The following CR1L variants were observed in gnomAD, a reference collection of about 807,000 sequenced individuals.
The protein encoded by CR1L is complement C3b/C4b receptor 1 like.
In CR1L, 59 loss-of-function variants were observed where a neutral mutation model predicts 62.3. The ratio of observed to expected loss-of-function variants is 0.95; its 90% CI spans 0.77 to 1.18. The LOEUF is 1.18. CR1L is among the 50% of genes most tolerant of loss of function. The pLI is 0.00. For synonymous variants in CR1L, 279 were observed against 248.7 expected (o/e 1.12, Z -1.15); for missense variants, 700 against 702.8 (o/e 1.00, Z 0.04).
intron 9 of CR1L, among the ~76,000 whole-genome samples, chr1:207,705,364 A>G (rs1664250952): frequency 6.6e-6 from 1 of 152,316 alleles, no homozygotes; most frequent in East Asian, 1.9e-4. Context: ...TCAACCTATA[A>G]CAGAGTCCCT....
chr1:207,646,450 C>T (rs1663126670), intron 1 of CR1L, among the ~76,000 whole-genome samples: 1 of 152,150 alleles, frequency 6.6e-6, no homozygotes, highest in South Asian at 2.1e-4. Flanking sequence ...GTTGCTCACA[C>T]CTGTGATCCC....
chr1:207,654,746 G>A (rs1275070785), intron 1 of CR1L, among the ~76,000 whole-genome samples: 4 of 152,146 alleles, frequency 2.6e-5, no homozygotes, highest in African/African-American at 7.2e-5. Context: ...AATCAATTAG[G>A]TAACTGAGTG....
chr1:207,707,819 CATATTAAGGGA>C (rs1558024581), intron 9 of CR1L, among the ~76,000 whole-genome samples: 9 of 143,568 alleles, frequency 6.3e-5, no homozygotes, highest in South Asian at 2.1e-4. Context: ...CACACACACA[CATATTAAGGGA>C]ATACGCAAAC....
At position 207,678,812 on chromosome 1, in the gene CR1L, C is replaced by A. The variant is rs537169577; in HGVS notation, c.377+515C>A. ...AGCCAGAGCCAGATCCATAGCCATG[C>A]TCCCTCCAAAACCTGTAGGGATGGA... On this transcript the variant is annotated intron_variant, in intron 3 of 11. Coordinates refer to ENST00000508064, the MANE Select transcript of CR1L (RefSeq NM_175710.2). 5.3e-5 allele frequency among the ~76,000 whole-genome samples: 8 copies of A among 152,234 alleles called. No individual in the cohort carries two copies. The South Asian group carries it at 1.5e-3, about 28-fold the overall frequency.
chr1:207,681,645 GA>G (rs373691955), intron 3 of CR1L, among the ~76,000 whole-genome samples: 1 of 151,806 alleles, frequency 6.6e-6, no homozygotes, highest in Non-Finnish European at 1.5e-5. Context: ...TAGTATGGAG[GA>G]AAAAAAATGC....
At chr1:207,678,469 CA>C (rs1384353718) in intron 3 of CR1L, among the ~76,000 whole-genome samples, 172 bp downstream of exon 3, 7 of 152,150 alleles carry the variant, frequency 4.6e-5, no homozygotes, top group Non-Finnish European at 7.3e-5. Flanking sequence ...ATGACAAGAT[CA>C]GGGGGAAAAT....
Position 207,719,009 on chromosome 1 carries a change from C to CA in CR1L, c.1642+1324dup, listed in dbSNP as rs929819643. On this transcript the variant is annotated intron_variant, in intron 11 of 11. Transcript: ENST00000508064. ...CATTCTCAGTAAACTATCACAAGAA[C>CA]AAAAAACCAAACACCGCATATTCTC... Among the ~76,000 whole-genome samples the CA allele has an allele frequency of 3.8e-4, 55 of 145,990 alleles. No individual in the cohort carries two copies. In the South Asian group the frequency reaches 5.5e-3, roughly 14 times the overall value.
At chr1:207,678,948 T>G (rs1204827822) in intron 3 of CR1L, among the ~76,000 whole-genome samples, 2 of 151,924 alleles carry the variant, frequency 1.3e-5, no homozygotes, top group Non-Finnish European at 2.9e-5. Context: ...TCTGGGTCTC[T>G]GTCCTCCTAT....
At chr1:207,672,992 G>T (rs1405798560) in intron 1 of CR1L, among the ~76,000 whole-genome samples, 2 of 152,152 alleles carry the variant, frequency 1.3e-5, no homozygotes, top group Non-Finnish European at 2.9e-5. Flanking sequence ...CAAGAAAATG[G>T]CAGAGTTGAC....
intron 11 of CR1L, among the ~76,000 whole-genome samples, chr1:207,721,518 A>G (rs1654137298): frequency 6.6e-6 from 1 of 151,108 alleles, no homozygotes; most frequent in Non-Finnish European, 1.5e-5. Context: ...AAAGGACATG[A>G]ACTCATCATT....
At chr1:207,646,245 G>C (rs1055993793) in intron 1 of CR1L, among the ~76,000 whole-genome samples, 1 of 152,036 alleles carries the variant, frequency 6.6e-6, no homozygotes, top group African/African-American at 2.4e-5. Context: ...AGTCATATTT[G>C]AGAGATGTGA....
At chr1:207,645,902 C>G (rs977922725) in intron 1 of CR1L, among the ~76,000 whole-genome samples, 1 of 152,190 alleles carries the variant, frequency 6.6e-6, no homozygotes, top group Non-Finnish European at 1.5e-5. Context: ...CGCAAGTGGC[C>G]TGTGTGCGGA....
At chr1:207,646,425 G>T (rs1365907535) in intron 1 of CR1L, among the ~76,000 whole-genome samples, 1 of 152,064 alleles carries the variant, frequency 6.6e-6, no homozygotes, top group Non-Finnish European at 1.5e-5. Context: ...AAAAATGCAT[G>T]CTAGGCCAGG....
chr1:207,677,640 T>A, intron 2 of CR1L, 72 bp downstream of exon 2: 3 of 1,535,568 alleles, frequency 2.0e-6, no homozygotes, highest in Admixed American at 1.9e-5. Flanking sequence ...TTGTTCAAAT[T>A]TTGTAACTGA....
chr1:207,688,673 T>C (rs1283485804), intron 4 of CR1L, among the ~76,000 whole-genome samples: 2 of 152,160 alleles, frequency 1.3e-5, no homozygotes, highest in Non-Finnish European at 2.9e-5. Context: ...TTTGTAGACA[T>C]TAACAAATTT....
chr1:207,707,966 G>A (rs150980946), intron 9 of CR1L, among the ~76,000 whole-genome samples: 557 of 152,330 alleles, frequency 3.7e-3, no homozygotes, highest in African/African-American at 0.012. Flanking sequence ...ATATTAAGAA[G>A]TAAAGTGGAC....
chr1:207,669,496 G>A, intron 1 of CR1L: 13 of 1,581,920 alleles, frequency 8.2e-6, no homozygotes, highest in Non-Finnish European at 9.4e-6. Context: ...GCCGGCGCCC[G>A]GTCTCCCCTT....
chr1:207,713,926 A>G (rs748994229), intron 10 of CR1L, among the ~76,000 whole-genome samples: 1 of 152,204 alleles, frequency 6.6e-6, no homozygotes, highest in Non-Finnish European at 1.5e-5. Context: ...CTTGGCCTGC[A>G]TCTCCAGGGC....
At chr1:207,707,607 G>A (rs375632405) in intron 9 of CR1L, among the ~76,000 whole-genome samples, 2 of 152,072 alleles carry the variant, frequency 1.3e-5, no homozygotes, top group South Asian at 4.1e-4. Flanking sequence ...CAGCCTGAGC[G>A]ACAGAGCCAG....
Sources: allele counts gnomAD v4.1 joint callset (sites outside exome capture counted in the v4.1 genomes callset), GRCh38; gene constraint gnomAD v4.1.1; transcripts MANE v1.5; gene names NCBI Gene and HGNC (gene_info 2026-07-23, HGNC 2026-07-21).